Variants in PRC1 observed in about 807,000 individuals in gnomAD.
PRC1 encodes anaphase spindle elongation 1 homolog.
Under a neutral mutation model 91.2 loss-of-function variants are expected in PRC1, and 54 were observed. That is an observed-to-expected ratio of 0.59 (90% confidence interval 0.48 to 0.74). The LOEUF is 0.74. Ranked by LOEUF, PRC1 falls within the 30% of genes least tolerant of loss-of-function variation. The pLI is 0.00. For synonymous variants in PRC1, 275 were observed against 263.6 expected (o/e 1.04, Z -0.42); for missense variants, 727 against 746.2 (o/e 0.97, Z 0.30).
chr15:90,970,186 C>A (rs1192639029), intron 12 of PRC1, among the ~76,000 whole-genome samples: 3 of 152,152 alleles, frequency 2.0e-5, no homozygotes, highest in Non-Finnish European at 4.4e-5. Flanking sequence ...CCCAGTGCTT[C>A]CCATGGTACC....
At position 90,980,582 on chromosome 15, in the gene PRC1, G is replaced by A. The variant is rs558103582; in HGVS notation, c.823-193C>T. The A allele has an allele frequency of 2.0e-5, 14 of 709,234 alleles. No individual in the cohort carries two copies. In the East Asian group the frequency reaches 2.3e-4, roughly 12 times the overall value. 43.9% of individuals were successfully genotyped at this position (709,234 alleles called of 1,614,324 possible). A position where few individuals can be genotyped will look rare whatever the true frequency, so the allele number is the denominator to read the frequency against. On this transcript the variant is annotated intron_variant, in intron 6 of 14. Coordinates refer to ENST00000394249, the MANE Select transcript of PRC1 (RefSeq NM_003981.4). ...CGCCCAGACAGGAGTGCAGTGGCGC[G>A]ATTCTGGCTCACTGCAACCCTCCAC...
Position 90,994,407 on chromosome 15 carries a change from C to T in PRC1, c.11G>A (p.Ser4Asn). 1 of 1,612,050 alleles carries T rather than the reference C, an allele frequency of 6.2e-7. No homozygotes were observed. The highest frequency in any genetic ancestry group is 8.5e-7 in the Non-Finnish European group (1 of 1,179,220). ...CCCTCGATTTCCCCGCAACCCGCAC[C>T]TTCTCCTCATGGCGGACGCTCCAAG... Reference protein sequence around the residue: MRRSEVLAEESIVC... With the variant: MRRNEVLAEESIVC... Residue 4 changes from serine to asparagine, a missense_variant and splice_region_variant, in exon 1 of 15, where the codon AGT becomes AAT. By Grantham distance (46) the Ser-to-Asn change is conservative (BLOSUM62 1). Transcript: ENST00000394249.
chr15:90,968,093 A>G, intron 14 of PRC1: 1 of 985,478 alleles, frequency 1.0e-6, no homozygotes, highest in Non-Finnish European at 1.2e-6. Flanking sequence ...GGTGGAGTCT[A>G]TCAGCCATAG....
Position 90,974,212 on chromosome 15 carries a change from ATCTC to A in PRC1, c.1381_1384del (p.Glu461CysfsTer27), listed in dbSNP as rs772291350. ...TGTTCGAGGAGCGCTGCCATACAGC[ATCTC>A]TGTCTCTGTCTGTTTTTTGTTCTTC... is the stretch of plus-strand genomic sequence containing the variant. On this transcript the variant is annotated frameshift_variant, in exon 11 of 15. Coordinates refer to ENST00000394249, the MANE Select transcript of PRC1 (RefSeq NM_003981.4). LOFTEE classifies it high-confidence loss of function. The surrounding 1 kb of genome is among the most constrained non-coding windows in gnomAD (Gnocchi z 4.6). The A allele has an allele frequency of 6.2e-7, 1 of 1,614,198 alleles. No individual in the cohort carries two copies. Among genetic ancestry groups the A allele is most frequent in the South Asian group, 1.1e-5 (1 of 91,084 alleles).
At chr15:90,989,541 C>T (rs1191798509) in intron 1 of PRC1, among the ~76,000 whole-genome samples, 3 of 151,480 alleles carry the variant, frequency 2.0e-5, no homozygotes, top group Non-Finnish European at 4.4e-5. Flanking sequence ...CCACTGCACC[C>T]GGCCCCTCAG....
chr15:90,979,973 C>CA (rs1438052726), intron 7 of PRC1, among the ~76,000 whole-genome samples: 1 of 152,218 alleles, frequency 6.6e-6, no homozygotes, highest in Non-Finnish European at 1.5e-5. Context: ...AATGCTTTTT[C>CA]ATACAGGAAT....
chr15:90,968,324 C>A, intron 14 of PRC1: 13 of 985,510 alleles, frequency 1.3e-5, no homozygotes, highest in Non-Finnish European at 1.6e-5. Flanking sequence ...TTTCAGTGAT[C>A]AAAACTAGCT....
chr15:90,972,785 T>C (rs1443256), intron 11 of PRC1: 81,683 of 152,050 alleles, frequency 0.54, 26,557 homozygotes, highest in East Asian at 0.99. Context: ...GATGAAGAAT[T>C]ATTACATCTT....
chr15:90,974,106 A>C lies in PRC1; in HGVS notation c.1461+30T>G. On this transcript the variant is annotated intron_variant, in intron 11 of 14. Coordinates refer to ENST00000394249, the MANE Select transcript of PRC1 (RefSeq NM_003981.4). This position sits in a 1 kb window ranked among gnomAD's most constrained non-coding sequence, Gnocchi z 4.6. Reference sequence around the variant, plus strand: ...GGACTACCCTCACCCACTCCCTTGAAATCAGTGTTTCCCTAAGCCTTGTGT... The same window carrying C: ...GGACTACCCTCACCCACTCCCTTGACATCAGTGTTTCCCTAAGCCTTGTGT... The C allele has an allele frequency of 6.3e-7, 1 of 1,591,486 alleles. No individual in the cohort carries two copies. The highest frequency in any genetic ancestry group is 8.6e-7 in the Non-Finnish European group (1 of 1,159,598).
At chr15:90,976,242 C>G (rs978504817) in intron 9 of PRC1, among the ~76,000 whole-genome samples, 1 of 152,036 alleles carries the variant, frequency 6.6e-6, no homozygotes, top group Admixed American at 6.5e-5. Flanking sequence ...GTGCCCGCCA[C>G]CATGCCTGGC....
At position 90,969,630 on chromosome 15, in the gene PRC1, AGAAAG is replaced by A. The variant is rs1346856518; in HGVS notation, c.1573-12_1573-8del. ...AGGTGGAAGCAGCGACTGGCTGCAG[AGAAAG>A]GAAAGAGATCCATGTATCATCCTTC... On this transcript the variant is annotated splice_region_variant and splice_polypyrimidine_tract_variant and intron_variant, in intron 12 of 14. Transcript: ENST00000394249. 3 of 1,584,486 alleles carry A rather than the reference AGAAAG, an allele frequency of 1.9e-6. No homozygotes were observed. Among genetic ancestry groups the A allele is most frequent in the African/African-American group, 2.7e-5 (2 of 73,880 alleles).
At chr15:90,967,859 G>C (rs759351706) in intron 14 of PRC1, 3 of 985,476 alleles carry the variant, frequency 3.0e-6, no homozygotes, top group South Asian at 9.4e-5. Context: ...AGCTACTTTA[G>C]AGTTGTCAAG....
chr15:90,986,519 G>A (rs374312126), intron 1 of PRC1, among the ~76,000 whole-genome samples: 10 of 152,276 alleles, frequency 6.6e-5, no homozygotes, highest in South Asian at 6.2e-4. Context: ...CTACTGGGGC[G>A]GCTGAGGCAG....
At position 90,984,901 on chromosome 15, in the gene PRC1, A is replaced by G. The variant is rs1277282997; in HGVS notation, c.12-76T>C. The G allele has an allele frequency of 1.9e-6, 3 of 1,557,738 alleles. No homozygotes were observed. The highest frequency in any genetic ancestry group is 2.6e-6 in the Non-Finnish European group (3 of 1,151,176). On this transcript the variant is annotated intron_variant, in intron 1 of 14. Coordinates refer to ENST00000394249, the MANE Select transcript of PRC1 (RefSeq NM_003981.4). The surrounding 1 kb of genome is among the most constrained non-coding windows in gnomAD (Gnocchi z 5.1). ...ACTAAAAGCACTATTTTCGAGAACT[A>G]AAAAGACTAGCTTCTCAGTGGCCTC...
chr15:90,989,412 A>ATTTT (rs58512103), intron 1 of PRC1, among the ~76,000 whole-genome samples: 1,928 of 118,386 alleles, frequency 0.016, 59 homozygotes, highest in African/African-American at 0.057. Flanking sequence ...TGCTTGGCTA[A>ATTTT]TTTTTTTTTT....
chr15:90,966,661 G>A lies in PRC1; in HGVS notation c.*470C>T, dbSNP rs1353203757. ...TTCAGGAGGAAGGCTGTCCTGTGTGGTGGGGACAAGGCTTCAGGTAAGAGC... is the reference window on the plus strand; with the variant it reads ...TTCAGGAGGAAGGCTGTCCTGTGTGATGGGGACAAGGCTTCAGGTAAGAGC... On this transcript the variant is annotated 3_prime_UTR_variant, in exon 15 of 15. Transcript: ENST00000394249. 2.2e-6 allele frequency: 1 copy of A among 456,296 alleles called. No homozygotes were observed. Among genetic ancestry groups the A allele is most frequent in the Non-Finnish European group, 4.4e-6 (1 of 226,970 alleles). 28.3% of individuals were successfully genotyped at this position (456,296 alleles called of 1,614,324 possible).
intron 3 of PRC1, among the ~76,000 whole-genome samples, chr15:90,982,941 T>C (rs1347970696): frequency 2.0e-5 from 3 of 152,022 alleles, no homozygotes; most frequent in South Asian, 2.1e-4. Flanking sequence ...AAAAGTGGCA[T>C]TTTTTTATAG....
chr15:90,969,615 A>C lies in PRC1; in HGVS notation c.1581T>G (p.Ala527=). Reference sequence around the variant, plus strand: ...TTTTCTTCCCTGAACAGGTGGAAGCAGCGACTGGCTGCAGAGAAAGGAAAG... The same window carrying C: ...TTTTCTTCCCTGAACAGGTGGAAGCCGCGACTGGCTGCAGAGAAAGGAAAG... ...RLPPSGSKPV[A]ASTCSGKKTP... Residue 527 remains alanine, a synonymous_variant, in exon 13 of 15, where the codon GCT becomes GCG. Transcript: ENST00000394249. 6.3e-7 allele frequency: 1 copy of C among 1,595,356 alleles called. No individual in the cohort carries two copies. The highest frequency in any genetic ancestry group is 8.5e-7 in the Non-Finnish European group (1 of 1,170,708).
intron 1 of PRC1, among the ~76,000 whole-genome samples, chr15:90,994,071 C>T (rs1214677709): frequency 1.3e-5 from 2 of 152,098 alleles, no homozygotes; most frequent in Admixed American, 6.5e-5. Flanking sequence ...GGTCCGAGCG[C>T]CAGCGCTGAC....
Sources: gnomAD v4.1 joint callset for allele counts (sites outside exome capture counted in the v4.1 genomes callset) on GRCh38, gnomAD v4.1.1 for gene constraint, Gnocchi (gnomAD v3.1) non-coding constraint, MANE v1.5 for transcripts, NCBI Gene and HGNC (gene_info 2026-07-23, HGNC 2026-07-21) for gene names.